DCC: variants seen among roughly 807,000 people sequenced by gnomAD.
DCC encodes netrin receptor DCC.
DCC carries 58 observed loss-of-function variants against 172.5 expected under a neutral mutation model. The ratio of observed to expected loss-of-function variants is 0.34; its 90% CI spans 0.27 to 0.42. The LOEUF is 0.42. DCC is among the 10% of genes least tolerant of loss of function. The probability of loss-of-function intolerance (pLI) is 1.00; values close to 1 mark genes in which losing one functional copy is unlikely to be tolerated. For missense variants in DCC, 1,740 were observed against 1,791.0 expected, an observed-to-expected ratio of 0.97 and a Z score of 0.51; for synonymous variants, 709 against 644.5, an observed-to-expected ratio of 1.10 and a Z score of -1.52.
chr18:53,018,609 T>G (rs563520370), intron 5 of DCC, among the ~76,000 whole-genome samples: 7 of 152,316 alleles, frequency 4.6e-5, no homozygotes, highest in African/African-American at 1.7e-4. Context: ...CATTTTGTTT[T>G]CTGAAATTAA....
chr18:53,022,639 A>G (rs947317260), intron 5 of DCC, among the ~76,000 whole-genome samples: 2 of 151,870 alleles, frequency 1.3e-5, no homozygotes, highest in East Asian at 3.9e-4. Flanking sequence ...CCATATTGAA[A>G]TGGGTGAAGA....
At chr18:53,223,389 A>G (rs1568375215) in intron 12 of DCC, among the ~76,000 whole-genome samples, 2 of 152,120 alleles carry the variant, frequency 1.3e-5, no homozygotes, top group African/African-American at 2.4e-5. Flanking sequence ...ATATTACCTT[A>G]TAATTTATAC....
At chr18:53,252,655 G>A (rs1305683316) in intron 12 of DCC, among the ~76,000 whole-genome samples, 1 of 151,858 alleles carries the variant, frequency 6.6e-6, no homozygotes, top group African/African-American at 2.4e-5. Context: ...TCTATGCTCA[G>A]AACTAGGAGA....
intron 2 of DCC, among the ~76,000 whole-genome samples, chr18:52,803,357 C>T (rs1852176048): frequency 6.6e-6 from 1 of 152,106 alleles, no homozygotes; most frequent in Admixed American, 6.5e-5. Flanking sequence ...GAACTCACTG[C>T]AGTAACAATG....
At chr18:53,509,991 A>G (rs2046230779) in intron 27 of DCC, among the ~76,000 whole-genome samples, 1 of 152,220 alleles carries the variant, frequency 6.6e-6, no homozygotes, top group Admixed American at 6.5e-5. Context: ...TAGTTAAATT[A>G]GTATTTATAA....
rs2035808226 is a variant in DCC, at chr18:52,685,037, A to C, written c.92-67017A>C. ...GATGCCATTTTGATTCTTATGTTCC[A>C]AAGACAGATTTTGTTCCACACACTT... On this transcript the variant is annotated intron_variant, in intron 1 of 28. Transcript: ENST00000442544. Among the ~76,000 whole-genome samples, 8 of 152,084 alleles carry C rather than the reference A, an allele frequency of 5.3e-5. No individual in the cohort carries two copies. In the South Asian group the frequency reaches 1.7e-3, roughly 31 times the overall value.
At chr18:52,396,818 A>G (rs1945396797) in intron 1 of DCC, among the ~76,000 whole-genome samples, 1 of 152,046 alleles carries the variant, frequency 6.6e-6, no homozygotes, top group Non-Finnish European at 1.5e-5. Context: ...ACTAAACTAA[A>G]AACACATTAA....
intron 5 of DCC, among the ~76,000 whole-genome samples, chr18:53,047,163 A>T (rs2042248784): frequency 7.0e-6 from 1 of 143,122 alleles, no homozygotes; most frequent in Admixed American, 7.2e-5. Context: ...TGCTGTTTAC[A>T]CAAGCTCTTA....
At chr18:52,346,161 C>T (rs537582925) in intron 1 of DCC, among the ~76,000 whole-genome samples, 51 of 152,252 alleles carry the variant, frequency 3.3e-4, no homozygotes, top group Admixed American at 5.9e-4. Context: ...AAAGGATGAA[C>T]AATCCAGATT....
At chr18:53,178,008 G>T (rs1414121766) in intron 8 of DCC, among the ~76,000 whole-genome samples, 1 of 152,118 alleles carries the variant, frequency 6.6e-6, no homozygotes, top group African/African-American at 2.4e-5. Context: ...CAAAATTAAA[G>T]TGTACGTATA....
intron 2 of DCC, among the ~76,000 whole-genome samples, chr18:52,775,881 C>A (rs1187474874): frequency 2.0e-5 from 3 of 152,142 alleles, no homozygotes; most frequent in Admixed American, 6.5e-5. Context: ...GAGGGTGGAG[C>A]CCCAGCCAGG....
At chr18:52,920,141 T>C (rs1263086008) in intron 3 of DCC, among the ~76,000 whole-genome samples, 1 of 150,140 alleles carries the variant, frequency 6.7e-6, no homozygotes, top group Non-Finnish European at 1.5e-5. Context: ...GGAAAAAATA[T>C]AGGTAAGCAA....
At chr18:52,784,160 T>G (rs1568101036) in intron 2 of DCC, among the ~76,000 whole-genome samples, 1 of 152,070 alleles carries the variant, frequency 6.6e-6, no homozygotes, top group Non-Finnish European at 1.5e-5. Context: ...TGCTCCCACA[T>G]GTAATTGAGA....
chr18:52,345,033 AG>A (rs1248350675), intron 1 of DCC, among the ~76,000 whole-genome samples: 2 of 152,164 alleles, frequency 1.3e-5, no homozygotes, highest in Non-Finnish European at 2.9e-5. Context: ...TACTTTCCAT[AG>A]GAAGTTTCTG....
intron 5 of DCC, among the ~76,000 whole-genome samples, chr18:52,936,063 G>T (rs2040377962): frequency 6.6e-6 from 1 of 152,080 alleles, no homozygotes; most frequent in Admixed American, 6.6e-5. Context: ...GAGAGTTTTT[G>T]TATGTAGGGT....
intron 2 of DCC, among the ~76,000 whole-genome samples, chr18:52,876,840 CT>C (rs34307895): frequency 0.39 from 59,658 of 151,860 alleles, 12,310 homozygotes; most frequent in Non-Finnish European, 0.47. Flanking sequence ...CTGACGTTTG[CT>C]TTTGGGCTGC....
At chr18:53,214,092 G>A (rs554289475) in intron 11 of DCC, among the ~76,000 whole-genome samples, 4 of 151,796 alleles carry the variant, frequency 2.6e-5, no homozygotes, top group Admixed American at 6.6e-5. Flanking sequence ...GTTACATTCT[G>A]TATTTAATTT....
intron 8 of DCC, among the ~76,000 whole-genome samples, chr18:53,177,871 G>A (rs1410591036): frequency 1.3e-5 from 2 of 152,168 alleles, no homozygotes; most frequent in East Asian, 3.9e-4. Flanking sequence ...TATTAAGAGT[G>A]TAGATATGCC....
At chr18:53,309,962 G>GTATATATATATATATATATATA (rs5825007) in intron 13 of DCC, among the ~76,000 whole-genome samples, 22 of 133,290 alleles carry the variant, frequency 1.7e-4, no homozygotes, top group South Asian at 7.3e-4. Context: ...ATATACGTGT[G>GTATATATATATATATATATATA]TGTATATATA....
Sources: gnomAD v4.1 joint callset for allele counts (sites outside exome capture counted in the v4.1 genomes callset) on GRCh38, gnomAD v4.1.1 for gene constraint, MANE v1.5 for transcripts, NCBI Gene and HGNC (gene_info 2026-07-23, HGNC 2026-07-21) for gene names.